Variants in NPFFR2 observed in about 807,000 individuals in gnomAD.
NPFFR2 encodes the protein neuropeptide FF receptor 2, also known as G-protein coupled receptor 74.
In NPFFR2, 15 loss-of-function variants were observed where a neutral mutation model predicts 13.1. The observed-to-expected ratio is 1.15, with a 90% CI of 0.77 to 1.76. The LOEUF (loss-of-function observed/expected upper bound fraction) is 1.76. NPFFR2 is among the 40% of genes most tolerant of loss of function. The probability of loss-of-function intolerance (pLI) is 0.00; values close to 1 mark genes in which losing one functional copy is unlikely to be tolerated. For synonymous variants in NPFFR2, 190 were observed against 175.7 expected (o/e 1.08, Z -0.65); for missense variants, 572 against 503.5 (o/e 1.14, Z -1.30).
intron 3 of NPFFR2, among the ~76,000 whole-genome samples, chr4:72,139,180 T>G (rs1021884829): frequency 5.3e-5 from 8 of 152,166 alleles, no homozygotes; most frequent in Non-Finnish European, 1.2e-4. Flanking sequence ...AAGGGTAGAT[T>G]GCAAAAATTT....
At chr4:72,132,822 CTTTGCCCACT>C (rs1381945391) in intron 2 of NPFFR2, among the ~76,000 whole-genome samples, 1 of 152,060 alleles carries the variant, frequency 6.6e-6, no homozygotes, top group Non-Finnish European at 1.5e-5. Flanking sequence ...TGTTCATGTC[CTTTGCCCACT>C]TTTTAATGGG....
chr4:72,089,570 T>C (rs1720860786), intron 1 of NPFFR2, among the ~76,000 whole-genome samples: 1 of 152,222 alleles, frequency 6.6e-6, no homozygotes, highest in Non-Finnish European at 1.5e-5. Flanking sequence ...ATTTCTCTGA[T>C]AATTAGTGAT....
At chr4:72,046,728 A>G (rs1299104519) in intron 1 of NPFFR2, among the ~76,000 whole-genome samples, 1 of 152,222 alleles carries the variant, frequency 6.6e-6, no homozygotes, top group Non-Finnish European at 1.5e-5. Flanking sequence ...ATTGCTGTGA[A>G]TGTAGCATTA....
intron 1 of NPFFR2, among the ~76,000 whole-genome samples, chr4:72,062,668 C>G (rs547855882): frequency 6.6e-6 from 1 of 152,002 alleles, no homozygotes; most frequent in Non-Finnish European, 1.5e-5. Flanking sequence ...TTTTTCCCAA[C>G]AAAATGTAAT....
chr4:72,053,743 T>C (rs1458362428), intron 1 of NPFFR2, among the ~76,000 whole-genome samples: 2 of 151,880 alleles, frequency 1.3e-5, no homozygotes, highest in South Asian at 2.1e-4. Context: ...ACAGTTTTAG[T>C]TCCTTCTTTC....
At chr4:72,086,929 C>T (rs1720788385) in intron 1 of NPFFR2, among the ~76,000 whole-genome samples, 1 of 151,982 alleles carries the variant, frequency 6.6e-6, no homozygotes, top group South Asian at 2.1e-4. Flanking sequence ...ATGATATGCA[C>T]ATTTAATAAT....
intron 1 of NPFFR2, among the ~76,000 whole-genome samples, chr4:72,064,523 T>G (rs575602543): frequency 6.6e-6 from 1 of 152,334 alleles, no homozygotes; most frequent in East Asian, 1.9e-4. Flanking sequence ...CTGTCACTTT[T>G]GCCATATTAT....
chr4:72,132,173 C>T (rs1242703450), intron 2 of NPFFR2, among the ~76,000 whole-genome samples: 2 of 151,776 alleles, frequency 1.3e-5, no homozygotes, highest in African/African-American at 4.8e-5. Context: ...CTCCCTCTAC[C>T]CTCTGATAGG....
chr4:72,147,376 TC>T lies in NPFFR2; in HGVS notation c.829del (p.Leu277Ter). On this transcript the variant is annotated frameshift_variant, in exon 4 of 4. Transcript: ENST00000308744. LOFTEE classifies it low-confidence loss of function (END_TRUNC). Reference sequence around the variant, plus strand: ...AAGAAGCAGAAGATCATTAAGATGCTCCTGATTGTGGCCCTGCTTTTTATTC... The same window carrying T: ...AAGAAGCAGAAGATCATTAAGATGCTCTGATTGTGGCCCTGCTTTTTATTC... ...SRKKQKIIKMLLIVALLFILS... is the reference protein window; with the variant it reads ...SRKKQKIIKMXLIVALLFILS... 1 of 1,614,148 alleles carries T rather than the reference TC, an allele frequency of 6.2e-7. No homozygotes were observed. Among genetic ancestry groups the T allele is most frequent in the East Asian group, 2.2e-5 (1 of 44,872 alleles).
intron 2 of NPFFR2, 90 bp downstream of exon 2, chr4:72,129,009 T>C (rs112043760): frequency 5.4e-5 from 53 of 975,620 alleles, no homozygotes; most frequent in African/African-American, 5.2e-4. Flanking sequence ...TTCATTCATT[T>C]ATTTACATAT....
At chr4:72,134,352 T>G (rs961097605) in intron 2 of NPFFR2, among the ~76,000 whole-genome samples, 1 of 152,196 alleles carries the variant, frequency 6.6e-6, no homozygotes, top group Admixed American at 6.5e-5. Context: ...GCTTTTTTTT[T>G]GTAATTACTA....
intron 1 of NPFFR2, among the ~76,000 whole-genome samples, chr4:72,073,281 G>A (rs62319048): frequency 0.26 from 39,289 of 151,802 alleles, 6,264 homozygotes; most frequent in Admixed American, 0.34. Context: ...ATTACATATT[G>A]CATGCCTGTA....
chr4:72,076,280 T>C (rs1238981742), intron 1 of NPFFR2, among the ~76,000 whole-genome samples: 2 of 151,954 alleles, frequency 1.3e-5, no homozygotes, highest in South Asian at 4.1e-4. Context: ...TATGGAAATA[T>C]AGATGGGAGA....
At chr4:72,088,280 A>G (rs1720822200) in intron 1 of NPFFR2, among the ~76,000 whole-genome samples, 1 of 152,042 alleles carries the variant, frequency 6.6e-6, no homozygotes, top group East Asian at 1.9e-4. Context: ...TTGCGTATTT[A>G]TTTAACTCTA....
chr4:72,046,217 T>C (rs543534613), intron 1 of NPFFR2, among the ~76,000 whole-genome samples: 1 of 152,284 alleles, frequency 6.6e-6, no homozygotes. Flanking sequence ...AAAATATAGA[T>C]AATGCTATGG....
intron 3 of NPFFR2, among the ~76,000 whole-genome samples, chr4:72,139,421 G>A (rs2109845049): frequency 6.6e-6 from 1 of 152,184 alleles, no homozygotes; most frequent in South Asian, 2.1e-4. Context: ...AATCCATCTT[G>A]AATTAATTTT....
At chr4:72,053,469 C>T (rs765462670) in intron 1 of NPFFR2, among the ~76,000 whole-genome samples, 16 of 151,774 alleles carry the variant, frequency 1.1e-4, no homozygotes, top group Admixed American at 7.2e-4. Context: ...TTAATATCCA[C>T]CAGCAATGTT....
chr4:72,085,893 C>A (rs1030890965), intron 1 of NPFFR2, among the ~76,000 whole-genome samples: 11 of 152,066 alleles, frequency 7.2e-5, no homozygotes, highest in African/African-American at 2.7e-4. Flanking sequence ...ATTGTCACAG[C>A]AAGCCAAAAT....
At chr4:72,071,611 C>G (rs1720259020) in intron 1 of NPFFR2, among the ~76,000 whole-genome samples, 1 of 152,114 alleles carries the variant, frequency 6.6e-6, no homozygotes, top group African/African-American at 2.4e-5. Context: ...ACAAAACCAT[C>G]CATCCCCTAC....
Sources: gnomAD v4.1 joint callset for allele counts (sites outside exome capture counted in the v4.1 genomes callset) on GRCh38, gnomAD v4.1.1 for gene constraint, MANE v1.5 for transcripts, NCBI Gene and HGNC (gene_info 2026-07-23, HGNC 2026-07-21) for gene names.